Variants in LRRC37A2 observed in about 807,000 individuals in gnomAD.
LRRC37A2 encodes the protein leucine-rich repeat-containing protein 37A2.
LRRC37A2 carries 9 observed loss-of-function variants against 68.8 expected under a neutral mutation model. The observed-to-expected ratio is 0.13, with a 90% CI of 0.08 to 0.23. The LOEUF (loss-of-function observed/expected upper bound fraction) is 0.23. LRRC37A2 is among the 10% of genes least tolerant of loss of function. The pLI is 1.00. For missense variants in LRRC37A2, 168 were observed against 950.4 expected, an observed-to-expected ratio of 0.18 and a Z score of 10.82; for synonymous variants, 63 against 367.6, an observed-to-expected ratio of 0.17 and a Z score of 9.48.
chr17:47,015,484 C>T, the LRRC37A2 span, among the ~76,000 whole-genome samples: 1 of 152,020 alleles, frequency 6.6e-6, no homozygotes. Context: ...GCTACACCAC[C>T]TAGGTTTGTG....
chr17:46,490,561 A>G, the LRRC37A2 span, among the ~76,000 whole-genome samples: 2 of 150,614 alleles, frequency 1.3e-5, no homozygotes, highest in African/African-American at 2.5e-5. Context: ...CGTCTCTACT[A>G]AAAATACAAA....
chr17:46,723,460 T>C, the LRRC37A2 span, among the ~76,000 whole-genome samples: 1 of 152,246 alleles, frequency 6.6e-6, no homozygotes, highest in Non-Finnish European at 1.5e-5. Context: ...TTCAGTTGTC[T>C]CGAATGTACC....
chr17:46,495,536 C>T, the LRRC37A2 span, among the ~76,000 whole-genome samples: 1 of 147,034 alleles, frequency 6.8e-6, no homozygotes, highest in African/African-American at 2.7e-5. Context: ...AGGCACCCAC[C>T]ACCACGCCCA....
At chr17:46,867,438 A>C in the LRRC37A2 span, among the ~76,000 whole-genome samples, 1 of 152,224 alleles carries the variant, frequency 6.6e-6, no homozygotes, top group Non-Finnish European at 1.5e-5. Flanking sequence ...TCAGTTGGTG[A>C]GGGGACAACC....
chr17:46,413,124 C>T, the LRRC37A2 span, among the ~76,000 whole-genome samples: 3 of 85,490 alleles, frequency 3.5e-5, no homozygotes, highest in Admixed American at 2.3e-4. Flanking sequence ...GGGGGCGTGG[C>T]GGGGTGGAAA....
chr17:46,925,922 G>A, the LRRC37A2 span, among the ~76,000 whole-genome samples: 3 of 152,112 alleles, frequency 2.0e-5, no homozygotes, highest in Admixed American at 1.3e-4. Context: ...CTTTATAGAG[G>A]AGCTAATAGC....
chr17:46,745,805 A>T, the LRRC37A2 span, among the ~76,000 whole-genome samples: 1 of 152,244 alleles, frequency 6.6e-6, no homozygotes, highest in African/African-American at 2.4e-5. Context: ...ATTTAGTGTT[A>T]AAAAATACTT....
the LRRC37A2 span, among the ~76,000 whole-genome samples, chr17:46,729,790 T>C: frequency 3.9e-5 from 6 of 152,216 alleles, no homozygotes; most frequent in African/African-American, 1.4e-4. Context: ...TAATTTTTAA[T>C]TTAACAGTTA....
chr17:46,724,690 T>A, the LRRC37A2 span, among the ~76,000 whole-genome samples: 1 of 152,214 alleles, frequency 6.6e-6, no homozygotes, highest in Non-Finnish European at 1.5e-5. Context: ...TTTGTGAAAG[T>A]AGGATTATTT....
the LRRC37A2 span, among the ~76,000 whole-genome samples, chr17:47,047,477 A>C: frequency 6.9e-6 from 1 of 145,312 alleles, no homozygotes; most frequent in Non-Finnish European, 1.5e-5. Context: ...GAACTGTTCC[A>C]TATGCACAAA....
At chr17:46,795,861 C>T in the LRRC37A2 span, among the ~76,000 whole-genome samples, 1 of 152,350 alleles carries the variant, frequency 6.6e-6, no homozygotes, top group Admixed American at 6.5e-5. Context: ...CTCTCTGTCT[C>T]TGTCTCTCCC....
the LRRC37A2 span, among the ~76,000 whole-genome samples, chr17:46,392,431 C>CTCTCTCTT: frequency 1.0e-4 from 3 of 29,690 alleles, 1 homozygote; most frequent in African/African-American, 2.3e-4. Flanking sequence ...CTTTCTTTCT[C>CTCTCTCTT]TCTTTCTTTC....
At chr17:46,911,757 G>A in the LRRC37A2 span, among the ~76,000 whole-genome samples, 6 of 152,134 alleles carry the variant, frequency 3.9e-5, no homozygotes, top group Non-Finnish European at 5.9e-5. Flanking sequence ...GGTGGCACAC[G>A]CCTGTAGTCC....
chr17:46,501,635 C>T, the LRRC37A2 span, among the ~76,000 whole-genome samples: 1,538 of 151,150 alleles, frequency 0.01, 38 homozygotes, highest in Non-Finnish European at 0.016. Flanking sequence ...ATTCTTTAAG[C>T]GGCCTTGTAG....
the LRRC37A2 span, among the ~76,000 whole-genome samples, chr17:46,806,367 G>C: frequency 6.6e-6 from 1 of 151,812 alleles, no homozygotes; most frequent in Non-Finnish European, 1.5e-5. Flanking sequence ...GTGCCACCAC[G>C]CCCGGCTAAT....
chr17:46,754,785 T>C, the LRRC37A2 span, among the ~76,000 whole-genome samples: 559 of 152,356 alleles, frequency 3.7e-3, 18 homozygotes, highest in Admixed American at 0.034. Context: ...CTCTTCATTT[T>C]TTTAGTTTTA....
the LRRC37A2 span, among the ~76,000 whole-genome samples, chr17:46,994,347 T>C: frequency 4.8e-5 from 7 of 146,934 alleles, no homozygotes; most frequent in African/African-American, 1.8e-4. Context: ...ATCATGCCAT[T>C]ACACTCCAGC....
chr17:46,918,165 C>T, the LRRC37A2 span, among the ~76,000 whole-genome samples: 5 of 152,176 alleles, frequency 3.3e-5, no homozygotes, highest in South Asian at 2.1e-4. Flanking sequence ...CCGCAACCTC[C>T]GCCTCCCGGG....
At chr17:46,958,740 C>G in the LRRC37A2 span, among the ~76,000 whole-genome samples, 1 of 152,192 alleles carries the variant, frequency 6.6e-6, no homozygotes, top group Admixed American at 6.5e-5. Flanking sequence ...AGCCAACTTC[C>G]GGCGAAGTCA....
Sources: gnomAD v4.1 joint callset for allele counts (sites outside exome capture counted in the v4.1 genomes callset) on GRCh38, gnomAD v4.1.1 for gene constraint, MANE v1.5 for transcripts, NCBI Gene and HGNC (gene_info 2026-07-23, HGNC 2026-07-21) for gene names.